Variants in INTS6 observed in about 807,000 individuals in gnomAD.
INTS6 encodes the protein DEAD box protein.
Under a neutral mutation model 104.9 loss-of-function variants are expected in INTS6, and 16 were observed. The ratio of observed to expected loss-of-function variants is 0.15; its 90% CI spans 0.10 to 0.23. The LOEUF (loss-of-function observed/expected upper bound fraction) is 0.23, where lower values mean the gene tolerates loss of function less well. INTS6 is among the 10% of genes least tolerant of loss of function. The pLI is 1.00. For synonymous variants in INTS6, 324 were observed against 358.7 expected, an observed-to-expected ratio of 0.90 and a Z score of 1.09; for missense variants, 584 against 1,062.8, an observed-to-expected ratio of 0.55 and a Z score of 6.26.
chr13:51,386,629 G>A (rs1253297851), intron 7 of INTS6, among the ~76,000 whole-genome samples: 1 of 152,044 alleles, frequency 6.6e-6, no homozygotes, highest in Non-Finnish European at 1.5e-5. Context: ...TTTCAAAAAG[G>A]TTTTGTTGTA....
chr13:51,370,555 C>T (rs937132297), intron 15 of INTS6, among the ~76,000 whole-genome samples: 1 of 152,076 alleles, frequency 6.6e-6, no homozygotes, highest in Admixed American at 6.5e-5. Flanking sequence ...CAAGACAAGG[C>T]GTTTTGTTGG....
At chr13:51,451,870 C>G in intron 2 of INTS6, 108 bp downstream of exon 2, 1 of 501,324 alleles carries the variant, frequency 2.0e-6, no homozygotes, top group Admixed American at 3.3e-5. Flanking sequence ...GGGAGCGCAG[C>G]GGGTGGGGGA....
At chr13:51,421,197 G>T (rs1956890566) in intron 4 of INTS6, 4 of 985,566 alleles carry the variant, frequency 4.1e-6, no homozygotes, top group Non-Finnish European at 4.8e-6. Flanking sequence ...TTTTCCCCAC[G>T]ATCTGACTGC....
At chr13:51,344,623 C>A in the INTS6 span, 1 of 683,534 alleles carries the variant, frequency 1.5e-6, no homozygotes, top group Non-Finnish European at 2.5e-6. Context: ...GGAGATCCTA[C>A]CCTTGAATGA....
chr13:51,451,974 T>C lies in INTS6; in HGVS notation c.189+4A>G. 6.2e-7 allele frequency: 1 copy of C among 1,605,320 alleles called. No homozygotes were observed. The highest frequency in any genetic ancestry group is 8.5e-7 in the Non-Finnish European group (1 of 1,174,694). On this transcript the variant is annotated splice_donor_region_variant and intron_variant, in intron 2 of 17. Transcript: ENST00000311234. ...GAGGAAAGGGGGAGGGCGAGGGCTG[T>C]TACCTTGATAGCATAGGGCGGCTCT... is the stretch of plus-strand genomic sequence containing the variant.
intron 3 of INTS6, chr13:51,439,837 A>G (rs1952760337): frequency 6.6e-6 from 1 of 152,210 alleles, no homozygotes; most frequent in Non-Finnish European, 1.5e-5. Flanking sequence ...CACCATATAC[A>G]TGACAGTGGT....
intron 4 of INTS6, among the ~76,000 whole-genome samples, chr13:51,425,212 G>C (rs968164550): frequency 1.3e-5 from 2 of 151,928 alleles, no homozygotes; most frequent in African/African-American, 4.8e-5. Flanking sequence ...GTGGACTTTT[G>C]CATCCATTTT....
At chr13:51,402,696 G>C (rs1322853928) in intron 4 of INTS6, 1 of 152,112 alleles carries the variant, frequency 6.6e-6, no homozygotes, top group African/African-American at 2.4e-5. Flanking sequence ...TGGGAAGACT[G>C]TCCTATTTTT....
the INTS6 span, among the ~76,000 whole-genome samples, chr13:51,341,905 T>A: frequency 6.6e-6 from 1 of 152,214 alleles, no homozygotes; most frequent in African/African-American, 2.4e-5. Context: ...TAAGAGCCCA[T>A]GCTTTTGACC....
At chr13:51,437,652 ACT>A (rs1161783611) in intron 3 of INTS6, 2 of 152,132 alleles carry the variant, frequency 1.3e-5, no homozygotes, top group South Asian at 2.1e-4. Context: ...CACTTGGAAA[ACT>A]CTAACAGTAT....
At chr13:51,387,588 A>G in intron 6 of INTS6, 48 bp from the exon 7 acceptor site, 1 of 1,418,960 alleles carries the variant, frequency 7.0e-7, no homozygotes, top group Non-Finnish European at 9.4e-7. Context: ...ATAAGGGGGG[A>G]TAAGCATAAA....
At chr13:51,410,784 T>C (rs1237617498) in intron 4 of INTS6, among the ~76,000 whole-genome samples, 2 of 152,100 alleles carry the variant, frequency 1.3e-5, no homozygotes, top group African/African-American at 4.8e-5. Flanking sequence ...AAAACATATA[T>C]CTAATAAAGA....
Position 51,378,253 on chromosome 13 carries a change from C to A in INTS6, c.1588G>T (p.Ala530Ser), listed in dbSNP as rs774422934. The change falls in exon 12 of 18, where the codon GCT (alanine) becomes TCT (serine). Residue 530 changes from alanine (A) to serine (S), a missense_variant. By Grantham distance (99) the Ala-to-Ser change is moderately conservative (BLOSUM62 1). Transcript: ENST00000311234. The part of the protein sequence containing the change: ...NMKEYTGFQV[A>S]LLNKDLKPQT... ...ATGATTATTACCTTATTCAGCAAAGCAACTTGGAACCCAGTGTATTCCTTC... is the reference window on the plus strand; with the variant it reads ...ATGATTATTACCTTATTCAGCAAAGAAACTTGGAACCCAGTGTATTCCTTC... 1 of 1,612,246 alleles carries A rather than the reference C, an allele frequency of 6.2e-7. No individual in the cohort carries two copies. Among genetic ancestry groups the A allele is most frequent in the Non-Finnish European group, 8.5e-7 (1 of 1,178,592 alleles).
At position 51,386,298 on chromosome 13, in the gene INTS6, T is replaced by A. The variant is rs1956140452; in HGVS notation, c.894+1088A>T. On this transcript the variant is annotated intron_variant, in intron 7 of 17. Transcript: ENST00000311234. ...GGTACTGTATGTTCTCCTGTACATG[T>A]TAAATAAATAGAATAAATAACCAAC... Among the ~76,000 whole-genome samples, 4 of 152,052 alleles carry A rather than the reference T, an allele frequency of 2.6e-5. No homozygotes were observed. In the South Asian group the frequency reaches 8.3e-4, roughly 32 times the overall value.
At chr13:51,348,055 G>A in the INTS6 span, among the ~76,000 whole-genome samples, 6 of 151,964 alleles carry the variant, frequency 3.9e-5, no homozygotes, top group East Asian at 5.8e-4. Flanking sequence ...TGACCATATC[G>A]CCCAACAGTC....
the INTS6 span, among the ~76,000 whole-genome samples, chr13:51,346,312 C>G: frequency 1.3e-5 from 2 of 152,036 alleles, no homozygotes; most frequent in Non-Finnish European, 1.5e-5. Context: ...AGCTCAGCAG[C>G]GGGGCAGGGT....
intron 4 of INTS6, among the ~76,000 whole-genome samples, chr13:51,414,014 C>G (rs1350127548): frequency 6.6e-6 from 1 of 152,234 alleles, no homozygotes; most frequent in Non-Finnish European, 1.5e-5. Context: ...AGTTTCCACT[C>G]TGCCTTACAG....
At chr13:51,416,869 A>G (rs532783484) in intron 4 of INTS6, among the ~76,000 whole-genome samples, 3 of 152,362 alleles carry the variant, frequency 2.0e-5, no homozygotes, top group South Asian at 2.1e-4. Flanking sequence ...CAGTTTCTCT[A>G]CATTCTCACC....
Position 51,451,163 on chromosome 13 carries a change from T to C in INTS6, c.201A>G (p.Lys67=), listed in dbSNP as rs1490920749. The change falls in exon 3 of 18, where the codon AAA becomes AAG. Residue 67 remains lysine (K), a synonymous_variant. Transcript: ENST00000311234. ...CATTCATAAACGTTGCATGGTTTTC[T>C]TTCCATCCAGCCTGAAAAGAAAAAT... ...EPPYAIKAGW[K]ENHATFMNEL... 1.9e-6 allele frequency: 3 copies of C among 1,562,226 alleles called. No individual in the cohort carries two copies. Among genetic ancestry groups the C allele is most frequent in the African/African-American group, 1.4e-5 (1 of 72,120 alleles).
Sources: gnomAD v4.1 joint callset for allele counts (sites outside exome capture counted in the v4.1 genomes callset) on GRCh38, gnomAD v4.1.1 for gene constraint, MANE v1.5 for transcripts, NCBI Gene and HGNC (gene_info 2026-07-23, HGNC 2026-07-21) for gene names.